Variants in MRPS27 observed in about 807,000 individuals in gnomAD.
MRPS27 encodes small ribosomal subunit protein mS27.
MRPS27 carries 43 observed loss-of-function variants against 48.9 expected under a neutral mutation model. That is an observed-to-expected ratio of 0.88 (90% CI 0.69 to 1.13). MRPS27 has a LOEUF of 1.13. Among genes scored for constraint, MRPS27 ranks in the 50% most tolerant of loss-of-function variants. The pLI is 0.00. For synonymous variants in MRPS27, 188 were observed against 171.9 expected (o/e 1.09, Z -0.73); for missense variants, 467 against 476.3 (o/e 0.98, Z 0.18).
intron 2 of MRPS27, among the ~76,000 whole-genome samples, chr5:72,308,320 C>T (rs1023007452): frequency 3.3e-5 from 5 of 152,242 alleles, no homozygotes; most frequent in Non-Finnish European, 7.3e-5. Flanking sequence ...GGCGCTCTGG[C>T]ACATGAAGCC....
intron 2 of MRPS27, among the ~76,000 whole-genome samples, chr5:72,302,787 C>T (rs1356336037): frequency 1.3e-5 from 2 of 152,196 alleles, no homozygotes; most frequent in Non-Finnish European, 2.9e-5. Flanking sequence ...AAAACCAATA[C>T]TTGTAAGATG....
intron 4 of MRPS27, among the ~76,000 whole-genome samples, chr5:72,282,854 G>A (rs148348893): frequency 1.3e-5 from 2 of 152,270 alleles, no homozygotes; most frequent in East Asian, 3.9e-4. Context: ...AAATCCAGAA[G>A]AGAATAAGAG....
intron 4 of MRPS27, among the ~76,000 whole-genome samples, chr5:72,243,125 G>A (rs529656666): frequency 1.2e-4 from 18 of 152,312 alleles, no homozygotes; most frequent in African/African-American, 4.3e-4. Flanking sequence ...ATGGGAGAGG[G>A]GGTCAGGGTA....
intron 4 of MRPS27, among the ~76,000 whole-genome samples, chr5:72,266,048 T>C (rs544252390): frequency 1.3e-4 from 19 of 151,998 alleles, no homozygotes; most frequent in African/African-American, 4.3e-4. Context: ...TAGTATCTCA[T>C]AGGACAGAGG....
intron 7 of MRPS27, chr5:72,228,592 GT>G: frequency 2.6e-6 from 1 of 382,494 alleles, no homozygotes; most frequent in Admixed American, 4.4e-5. Context: ...TTTTTGGGCA[GT>G]GAAATTATGA....
intron 1 of MRPS27, among the ~76,000 whole-genome samples, chr5:72,315,499 G>C (rs1750543338): frequency 6.7e-6 from 1 of 149,652 alleles, no homozygotes; most frequent in Non-Finnish European, 1.5e-5. Context: ...AGAGGTTGCA[G>C]TAAGTCAAGA....
chr5:72,302,630 A>C (rs983796796), intron 2 of MRPS27, among the ~76,000 whole-genome samples: 3 of 152,254 alleles, frequency 2.0e-5, no homozygotes, highest in African/African-American at 7.2e-5. Flanking sequence ...GGTAGATGTA[A>C]CTGTCAGAGG....
intron 4 of MRPS27, among the ~76,000 whole-genome samples, chr5:72,277,216 G>C (rs1430165946): frequency 6.6e-6 from 1 of 152,122 alleles, no homozygotes; most frequent in Non-Finnish European, 1.5e-5. Flanking sequence ...AAAAACAACA[G>C]ATGCTGGTGA....
chr5:72,234,141 G>A lies in MRPS27; in HGVS notation c.453C>T (p.Phe151=). ...TACCTTTGTAATTTTCTTTCTTTAT[G>A]AAAGAATCCATCAGTAAATTGAATG... ...NFTFNLLMDS[F]IKKENYKDAL... is the part of the protein sequence containing the mutation. Residue 151 remains phenylalanine (F), a synonymous_variant, in exon 6 of 11, where the codon TTC becomes TTT. Transcript: ENST00000261413. The A allele has an allele frequency of 1.3e-6, 2 of 1,522,870 alleles. No individual in the cohort carries two copies. Among genetic ancestry groups the A allele is most frequent in the Non-Finnish European group, 1.8e-6 (2 of 1,139,060 alleles). 94.3% of individuals were successfully genotyped at this position (1,522,870 alleles called of 1,614,324 possible).
chr5:72,316,660 G>T (rs1750572027), intron 1 of MRPS27, among the ~76,000 whole-genome samples: 1 of 151,836 alleles, frequency 6.6e-6, no homozygotes, highest in East Asian at 2.0e-4. Context: ...GAGCCACCAT[G>T]CCTGGCCTGA....
chr5:72,258,925 TG>T (rs1485603389), intron 4 of MRPS27, among the ~76,000 whole-genome samples: 1 of 152,198 alleles, frequency 6.6e-6, no homozygotes, highest in Non-Finnish European at 1.5e-5. Flanking sequence ...CAAATCCATA[TG>T]TACTATGGCC....
At chr5:72,246,087 T>G (rs1447511377) in intron 4 of MRPS27, among the ~76,000 whole-genome samples, 1 of 152,174 alleles carries the variant, frequency 6.6e-6, no homozygotes, top group African/African-American at 2.4e-5. Flanking sequence ...ATCTATCATT[T>G]TGCGTCTACA....
intron 4 of MRPS27, 43 bp downstream of exon 4, chr5:72,295,488 G>T: frequency 6.9e-7 from 1 of 1,448,890 alleles, no homozygotes; most frequent in Non-Finnish European, 9.6e-7. Flanking sequence ...AAAAAGGGGT[G>T]TGAAATCACA....
chr5:72,226,007 T>C, intron 9 of MRPS27, 50 bp downstream of exon 9: 1 of 1,575,016 alleles, frequency 6.3e-7, no homozygotes. Flanking sequence ...AAGCTCAGGT[T>C]ATGGGAAACA....
intron 2 of MRPS27, among the ~76,000 whole-genome samples, chr5:72,301,438 G>C (rs1232013425): frequency 1.3e-5 from 2 of 152,118 alleles, no homozygotes; most frequent in Admixed American, 1.3e-4. Context: ...GTTTAGATGA[G>C]AGGCAATATG....
At chr5:72,232,018 A>G (rs370055167) in intron 7 of MRPS27, among the ~76,000 whole-genome samples, 1 of 152,182 alleles carries the variant, frequency 6.6e-6, no homozygotes, top group South Asian at 2.1e-4. Flanking sequence ...TGAAACCAAA[A>G]CTTGATATTC....
intron 4 of MRPS27, among the ~76,000 whole-genome samples, chr5:72,265,605 G>A (rs1322841116): frequency 6.6e-6 from 1 of 152,206 alleles, no homozygotes; most frequent in African/African-American, 2.4e-5. Context: ...CCTTGGGGTG[G>A]TGGGAGCGTT....
chr5:72,318,961 C>T (rs1242940128), intron 1 of MRPS27, among the ~76,000 whole-genome samples: 1 of 152,154 alleles, frequency 6.6e-6, no homozygotes, highest in African/African-American at 2.4e-5. Flanking sequence ...TGACATTAAA[C>T]GTTTTCACCA....
chr5:72,282,772 T>C (rs1749562614), intron 4 of MRPS27, among the ~76,000 whole-genome samples: 1 of 152,228 alleles, frequency 6.6e-6, no homozygotes, highest in Non-Finnish European at 1.5e-5. Context: ...TAAGAGTGGA[T>C]ACCCAACTTC....
Sources: allele counts gnomAD v4.1 joint callset (sites outside exome capture counted in the v4.1 genomes callset), GRCh38; gene constraint gnomAD v4.1.1; transcripts MANE v1.5; gene names NCBI Gene and HGNC (gene_info 2026-07-23, HGNC 2026-07-21).